Variants in SLC16A5 observed in about 807,000 individuals in gnomAD.
The protein encoded by SLC16A5 is solute carrier family 16 member 5.
Under a neutral mutation model 33.2 loss-of-function variants are expected in SLC16A5, and 29 were observed. The observed-to-expected ratio is 0.87, with a 90% CI of 0.65 to 1.19. SLC16A5 has a LOEUF of 1.19. SLC16A5 is among the 50% of genes most tolerant of loss of function. The pLI, the probability that SLC16A5 is intolerant of heterozygous loss-of-function variation, is 0.00. For synonymous variants in SLC16A5, 248 were observed against 284.1 expected (o/e 0.87, Z 1.28); for missense variants, 606 against 678.2 (o/e 0.89, Z 1.18).
intron 3 of SLC16A5, among the ~76,000 whole-genome samples, chr17:75,094,898 G>A (rs534194586): frequency 3.4e-4 from 52 of 152,228 alleles, no homozygotes; most frequent in African/African-American, 1.0e-3. Flanking sequence ...TGACCCCAGC[G>A]TTGGGAGCAG....
downstream of SLC16A5, among the ~76,000 whole-genome samples, chr17:75,108,397 A>G (rs1432755543): frequency 6.6e-6 from 1 of 152,188 alleles, no homozygotes; most frequent in African/African-American, 2.4e-5. Flanking sequence ...CTAGGTACCC[A>G]GACTAAGTTA....
At position 75,098,073 on chromosome 17, in the gene SLC16A5, T is replaced by C. The variant is rs1468172119; in HGVS notation, c.235T>C (p.Cys79Arg). 1 of 1,608,432 alleles carries C rather than the reference T, an allele frequency of 6.2e-7. No homozygotes were observed. Reference sequence around the variant, plus strand: ...CAGCATCCTGGTGGGACGCTTCGGCTGCCGAGTGACCGTGATGCTGGGGGG... The same window carrying C: ...CAGCATCCTGGTGGGACGCTTCGGCCGCCGAGTGACCGTGATGCTGGGGGG... Reference protein sequence around the residue: ...LCSILVGRFGCRVTVMLGGVL... With the variant: ...LCSILVGRFGRRVTVMLGGVL... Residue 79 changes from cysteine to arginine, a missense_variant, in exon 4 of 7, where the codon TGC (cysteine) becomes CGC (arginine). Coordinates refer to ENST00000329783, the MANE Select transcript of SLC16A5 (RefSeq NM_004695.4).
Position 75,088,050 on chromosome 17 carries a change from C to CG in SLC16A5, c.-203+9dup, listed in dbSNP as rs1030367783. On this transcript the variant is annotated splice_region_variant and intron_variant, in intron 1 of 6. Transcript: ENST00000329783. The stretch of plus-strand genomic sequence containing the variant: ...CGCCAGGCCCGTGCGAGCGGGTGAG[C>CG]GGGCCCCCCGGGCCCCACTGCCTCG... The CG allele has an allele frequency of 6.6e-6, 1 of 152,352 alleles. No homozygotes were observed. Among genetic ancestry groups the CG allele is most frequent in the African/African-American group, 2.4e-5 (1 of 41,470 alleles). The allele number at this position is 152,352 out of a possible 1,614,324, so 9.4% of individuals were successfully genotyped here. A position where few individuals can be genotyped will look rare whatever the true frequency, so the allele number is the denominator to read the frequency against.
downstream of SLC16A5, chr17:75,109,861 G>C (rs963167127): frequency 1.5e-5 from 3 of 199,952 alleles, no homozygotes; most frequent in Admixed American, 5.4e-5. The surrounding 1 kb of genome is among the most constrained non-coding windows in gnomAD (Gnocchi z 5.0). Flanking sequence ...AGGCTAAAGA[G>C]CTTCGGCATC....
intron 3 of SLC16A5, among the ~76,000 whole-genome samples, chr17:75,094,200 G>A (rs942029767): frequency 2.0e-5 from 3 of 152,216 alleles, no homozygotes; most frequent in African/African-American, 7.2e-5. Context: ...TCTGAACCTC[G>A]GTTGCTTCCT....
At chr17:75,092,910 T>G (rs2145000246) in intron 2 of SLC16A5, among the ~76,000 whole-genome samples, 1 of 151,424 alleles carries the variant, frequency 6.6e-6, no homozygotes, top group African/African-American at 2.4e-5. Flanking sequence ...TGAGCTCTGT[T>G]TGAAAGGAGT....
At chr17:75,110,074 C>T, downstream of SLC16A5, 1 of 541,762 alleles carries the variant, frequency 1.8e-6, no homozygotes, top group South Asian at 2.4e-5. Flanking sequence ...TTTTCAAACG[C>T]AACTCCTACA....
chr17:75,099,136 C>G (rs778778526), intron 4 of SLC16A5, among the ~76,000 whole-genome samples: 10 of 152,114 alleles, frequency 6.6e-5, no homozygotes, highest in Non-Finnish European at 1.2e-4. Flanking sequence ...GGCGTCTGAA[C>G]TGAGAGGAGA....
rs536038306 is a variant in SLC16A5, at chr17:75,102,540, GT to G, written c.1154-1429del. On this transcript the variant is annotated intron_variant, in intron 5 of 6. Coordinates refer to ENST00000329783, the MANE Select transcript of SLC16A5 (RefSeq NM_004695.4). ...AGGGAAACCAAATAGGGAAGTAGAG[GT>G]GCACGTGAGAGGCAGCTGAGAGTGT... Among the ~76,000 whole-genome samples the G allele has an allele frequency of 6.0e-5, 9 of 150,680 alleles. No individual in the cohort carries two copies. In the East Asian group the frequency reaches 1.7e-3, roughly 29 times the overall value.
chr17:75,093,072 AG>A (rs2145001364), intron 2 of SLC16A5, among the ~76,000 whole-genome samples: 1 of 152,144 alleles, frequency 6.6e-6, no homozygotes, highest in South Asian at 2.1e-4. Context: ...CTGCTCACTC[AG>A]GCCTTCACAA....
chr17:75,096,216 C>G (rs996794293), intron 3 of SLC16A5, among the ~76,000 whole-genome samples: 11 of 151,886 alleles, frequency 7.2e-5, no homozygotes, highest in African/African-American at 2.7e-4. Context: ...CAAGCAGGCA[C>G]AGAACACAAG....
rs749436542 is a variant in SLC16A5, at chr17:75,105,959, C to A, written c.1444C>A (p.His482Asn). 6.2e-7 allele frequency: 1 copy of A among 1,612,292 alleles called. No homozygotes were observed. Among genetic ancestry groups the A allele is most frequent in the South Asian group, 1.1e-5 (1 of 90,776 alleles). The change falls in exon 7 of 7, where the codon CAT (histidine) becomes AAT (asparagine). Residue 482 changes from histidine (H) to asparagine (N), a missense_variant. Coordinates refer to ENST00000329783, the MANE Select transcript of SLC16A5 (RefSeq NM_004695.4). ...ATGTCCTGCCTCCTCCAGGACCAGC[C>A]ATGAGTGGCTCTTATGGCCAAAGGC... Reference protein sequence around the residue: ...WGCPASSRTSHEWLLWPKAVL... With the variant: ...WGCPASSRTSNEWLLWPKAVL...
At chr17:75,092,075 C>G (rs2073645732) in intron 2 of SLC16A5, among the ~76,000 whole-genome samples, 1 of 149,708 alleles carries the variant, frequency 6.7e-6, no homozygotes, top group Non-Finnish European at 1.5e-5. Flanking sequence ...ATGTGCATGT[C>G]TGCACTGTGT....
At chr17:75,107,813 T>C (rs1277392737), downstream of SLC16A5, among the ~76,000 whole-genome samples, 1 of 152,064 alleles carries the variant, frequency 6.6e-6, no homozygotes, top group Non-Finnish European at 1.5e-5. Context: ...GGCGGGTGCC[T>C]GTAGTCCCAG....
Position 75,093,825 on chromosome 17 carries a change from C to G in SLC16A5, c.189C>G (p.Leu63=), listed in dbSNP as rs2073678539. The G allele has an allele frequency of 6.2e-7, 1 of 1,613,990 alleles. No individual in the cohort carries two copies. The highest frequency in any genetic ancestry group is 8.5e-7 in the Non-Finnish European group (1 of 1,179,882). ...SWFPSILTAV[L]HMAGPLCSIL... ...TCCCCTCCATCCTCACGGCTGTGCT[C>G]CACATGGCAGGTGAGCGGCCTAGGG... is the stretch of plus-strand genomic sequence containing the variant. Residue 63 remains leucine (L), a synonymous_variant, in exon 3 of 7, where the codon CTC becomes CTG. Transcript: ENST00000329783.
intron 3 of SLC16A5, among the ~76,000 whole-genome samples, chr17:75,097,127 ACT>A (rs777305102): frequency 4.0e-5 from 6 of 151,738 alleles, no homozygotes; most frequent in Non-Finnish European, 5.9e-5. Context: ...CACCCAGCCT[ACT>A]CTGTCACTTT....
chr17:75,103,333 C>CTT (rs1194395211), intron 5 of SLC16A5, among the ~76,000 whole-genome samples: 103 of 128,650 alleles, frequency 8.0e-4, no homozygotes, highest in Non-Finnish European at 8.7e-4. Flanking sequence ...CAAGGGAATT[C>CTT]TTTTTTTTTT....
chr17:75,104,208 G>A (rs773385654), intron 6 of SLC16A5, 28 bp downstream of exon 6: 3 of 1,609,462 alleles, frequency 1.9e-6, no homozygotes, highest in Non-Finnish European at 2.5e-6. Flanking sequence ...AAGACCCAGG[G>A]TTCATCTGTG....
In SLC16A5 at chr17:75,100,302, T is replaced by C; in HGVS notation, c.639T>C (p.Leu213=). 3 of 1,614,146 alleles carry C rather than the reference T, an allele frequency of 1.9e-6. No individual in the cohort carries two copies. The South Asian group carries it at 3.3e-5, about 18-fold the overall frequency. ...CPPPPPETPA[L]GCLAACGRTI... ...CGCCACCTCCCGAGACACCTGCACTTGGCTGCCTGGCTGCATGCGGCCGGA... is the reference window on the plus strand; with the variant it reads ...CGCCACCTCCCGAGACACCTGCACTCGGCTGCCTGGCTGCATGCGGCCGGA... The change falls in exon 5 of 7, where the codon CTT becomes CTC. Residue 213 remains leucine, a synonymous_variant. Transcript: ENST00000329783.
Sources: allele counts gnomAD v4.1 joint callset (sites outside exome capture counted in the v4.1 genomes callset), GRCh38; gene constraint gnomAD v4.1.1; non-coding constraint Gnocchi (gnomAD v3.1); transcripts MANE v1.5; gene names NCBI Gene and HGNC (gene_info 2026-07-23, HGNC 2026-07-21).